CNTNAP2: variants seen among roughly 807,000 people sequenced by gnomAD.
The protein encoded by CNTNAP2 is contactin-associated protein-like 2.
CNTNAP2 carries 98 observed loss-of-function variants against 155.2 expected under a neutral mutation model. The observed-to-expected ratio is 0.63, with a 90% CI of 0.54 to 0.75. The LOEUF is 0.75. Ranked by LOEUF, CNTNAP2 falls within the 30% of genes least tolerant of loss-of-function variation. The pLI is 0.00. For missense variants in CNTNAP2, 1,727 were observed against 1,688.1 expected, an observed-to-expected ratio of 1.02 and a Z score of -0.40; for synonymous variants, 651 against 631.2, an observed-to-expected ratio of 1.03 and a Z score of -0.47.
intron 12 of CNTNAP2, among the ~76,000 whole-genome samples, chr7:147,572,032 G>T (rs1043144542): frequency 6.6e-6 from 1 of 152,168 alleles, no homozygotes; most frequent in African/African-American, 2.4e-5. Context: ...AGCTATTTCA[G>T]TTCTTCACAA....
At chr7:146,898,826 G>GACTTGCACTTTGACTCTTGCA (rs1169478272) in intron 3 of CNTNAP2, among the ~76,000 whole-genome samples, 1 of 151,804 alleles carries the variant, frequency 6.6e-6, no homozygotes, top group Admixed American at 6.6e-5. Flanking sequence ...GACCTTAAAA[G>GACTTGCACTTTGACTCTTGCA]GGGCCAGCCC....
At chr7:147,950,219 T>C (rs978908703) in intron 14 of CNTNAP2, among the ~76,000 whole-genome samples, 2 of 151,880 alleles carry the variant, frequency 1.3e-5, no homozygotes, top group African/African-American at 4.8e-5. Context: ...CTGAAGACTG[T>C]TTTCAACTGT....
At chr7:147,567,001 T>G (rs183945770) in intron 12 of CNTNAP2, among the ~76,000 whole-genome samples, 2 of 152,224 alleles carry the variant, frequency 1.3e-5, no homozygotes, top group Admixed American at 1.3e-4. Context: ...CAACTTGGCA[T>G]CCATGCACAC....
intron 1 of CNTNAP2, among the ~76,000 whole-genome samples, chr7:146,571,781 G>C (rs538894489): frequency 4.0e-5 from 6 of 150,370 alleles, no homozygotes; most frequent in Admixed American, 4.0e-4. Flanking sequence ...GCCCAGGCTG[G>C]AATGCAGTGG....
chr7:147,263,665 C>T (rs1319373539), intron 8 of CNTNAP2, among the ~76,000 whole-genome samples: 1 of 152,140 alleles, frequency 6.6e-6, no homozygotes, highest in Non-Finnish European at 1.5e-5. Flanking sequence ...TTATCTCTTA[C>T]ATACTGTGTT....
At chr7:148,111,415 C>T (rs1424145779) in intron 15 of CNTNAP2, among the ~76,000 whole-genome samples, 1 of 151,752 alleles carries the variant, frequency 6.6e-6, no homozygotes, top group African/African-American at 2.4e-5. Flanking sequence ...AGAAATAATA[C>T]TTGGAAATTT....
intron 10 of CNTNAP2, among the ~76,000 whole-genome samples, chr7:147,464,003 A>C (rs962278860): frequency 6.6e-6 from 1 of 150,760 alleles, no homozygotes; most frequent in African/African-American, 2.4e-5. Flanking sequence ...GACATTAGAG[A>C]GAATGTGTCT....
At chr7:146,722,731 C>T (rs758245894) in intron 1 of CNTNAP2, among the ~76,000 whole-genome samples, 96 of 151,838 alleles carry the variant, frequency 6.3e-4, no homozygotes, top group South Asian at 4.2e-4. Context: ...TATATATACA[C>T]GTTGGCGAGG....
chr7:146,426,615 AAC>A (rs2129115802), intron 1 of CNTNAP2, among the ~76,000 whole-genome samples: 1 of 128,746 alleles, frequency 7.8e-6, no homozygotes, highest in East Asian at 2.1e-4. Context: ...TCATTTCAAT[AAC>A]ACCTTTAAAA....
chr7:146,905,614 C>G (rs1390593401), intron 3 of CNTNAP2, among the ~76,000 whole-genome samples: 1 of 152,134 alleles, frequency 6.6e-6, no homozygotes, highest in Non-Finnish European at 1.5e-5. Context: ...TTCAGAGACT[C>G]AAAGAAGTCT....
At chr7:147,632,527 G>C (rs976893714) in intron 12 of CNTNAP2, among the ~76,000 whole-genome samples, 1 of 152,162 alleles carries the variant, frequency 6.6e-6, no homozygotes, top group Non-Finnish European at 1.5e-5. Flanking sequence ...CTTCCACCAT[G>C]GCTGTTAAGT....
At chr7:147,737,795 T>C (rs113083618) in intron 13 of CNTNAP2, among the ~76,000 whole-genome samples, 28,324 of 152,170 alleles carry the variant, frequency 0.19, 3,013 homozygotes, top group Middle Eastern at 0.38. Flanking sequence ...AGCGAGGCTC[T>C]GTGGGCATAG....
At chr7:146,536,619 A>T (rs1797873474) in intron 1 of CNTNAP2, among the ~76,000 whole-genome samples, 1 of 146,624 alleles carries the variant, frequency 6.8e-6, no homozygotes, top group African/African-American at 2.6e-5. Flanking sequence ...TTAAAGACTC[A>T]TCATTTGTAG....
At chr7:146,168,450 C>A (rs1157658814) in intron 1 of CNTNAP2, among the ~76,000 whole-genome samples, 1 of 152,106 alleles carries the variant, frequency 6.6e-6, no homozygotes, top group African/African-American at 2.4e-5. Context: ...AATGTAAGGA[C>A]AGAGACTCCC....
chr7:147,025,480 GGGGAC>G (rs1163666311), intron 3 of CNTNAP2, among the ~76,000 whole-genome samples: 1 of 46,594 alleles, frequency 2.1e-5, no homozygotes, highest in Non-Finnish European at 4.1e-5. Context: ...GGGAGGGGGA[GGGGAC>G]GGGAGGGGAG....
At chr7:146,721,398 CATTCTATATAT>C (rs1275692440) in intron 1 of CNTNAP2, among the ~76,000 whole-genome samples, 3 of 107,844 alleles carry the variant, frequency 2.8e-5, no homozygotes, top group Non-Finnish European at 5.3e-5. Flanking sequence ...ATTCTATATA[CATTCTATATAT>C]ATTCTATATA....
chr7:147,611,546 A>G (rs574976385), intron 12 of CNTNAP2, among the ~76,000 whole-genome samples: 4 of 152,316 alleles, frequency 2.6e-5, no homozygotes, highest in Admixed American at 2.6e-4. Flanking sequence ...AAAGACACAT[A>G]TGAGCTCCAA....
chr7:147,707,942 TG>T (rs1350636993), intron 13 of CNTNAP2, among the ~76,000 whole-genome samples: 1 of 152,116 alleles, frequency 6.6e-6, no homozygotes, highest in East Asian at 1.9e-4. Flanking sequence ...GTGGTCAACT[TG>T]GGTAGGTGGT....
chr7:146,907,427 G>A (rs1358225498), intron 3 of CNTNAP2, among the ~76,000 whole-genome samples: 2 of 147,050 alleles, frequency 1.4e-5, no homozygotes, highest in African/African-American at 5.1e-5. Context: ...TCAAAGGGAA[G>A]CCCATCAGAC....
Sources: allele counts gnomAD v4.1 joint callset (sites outside exome capture counted in the v4.1 genomes callset), GRCh38; gene constraint gnomAD v4.1.1; transcripts MANE v1.5; gene names NCBI Gene and HGNC (gene_info 2026-07-23, HGNC 2026-07-21).